The following CCBE1 variants were observed in gnomAD, a reference collection of about 807,000 sequenced individuals.
CCBE1 encodes the protein collagen and calcium binding EGF domains 1.
A neutral mutation model predicts 50.0 loss-of-function variants in CCBE1; 37 were observed. That is an observed-to-expected ratio of 0.74 (90% CI 0.57 to 0.97). The LOEUF is 0.97. Among genes scored for constraint, CCBE1 ranks in the 50% least tolerant of loss-of-function variants. The pLI, the probability that CCBE1 is intolerant of heterozygous loss-of-function variation, is 0.00. For synonymous variants in CCBE1, 234 were observed against 203.7 expected (o/e 1.15, Z -1.27); for missense variants, 538 against 523.8 (o/e 1.03, Z -0.26).
chr18:59,495,410 T>TTTC (rs149062893), intron 2 of CCBE1, among the ~76,000 whole-genome samples: 11,275 of 144,858 alleles, frequency 0.078, 878 homozygotes, highest in East Asian at 0.32. Flanking sequence ...TTTTTTTTTT[T>TTTC]CCAGAGCGGG....
At chr18:59,576,618 T>G (rs2053000838) in intron 2 of CCBE1, among the ~76,000 whole-genome samples, 1 of 152,194 alleles carries the variant, frequency 6.6e-6, no homozygotes, top group Non-Finnish European at 1.5e-5. Flanking sequence ...ATTAAATTGC[T>G]TTTGCTGCCT....
chr18:59,661,033 A>AT (rs2054277676), intron 2 of CCBE1, among the ~76,000 whole-genome samples: 1 of 151,210 alleles, frequency 6.6e-6, no homozygotes, highest in African/African-American at 2.4e-5. Flanking sequence ...TAAAATACGT[A>AT]TTTTTTTCTC....
intron 2 of CCBE1, among the ~76,000 whole-genome samples, chr18:59,632,973 A>G (rs1341322318): frequency 2.0e-5 from 3 of 152,096 alleles, no homozygotes; most frequent in African/African-American, 7.2e-5. Flanking sequence ...ACAAGGGACA[A>G]GTCAGGCATT....
intron 2 of CCBE1, among the ~76,000 whole-genome samples, chr18:59,652,005 C>G (rs910951299): frequency 2.0e-5 from 3 of 152,112 alleles, no homozygotes; most frequent in Non-Finnish European, 4.4e-5. Flanking sequence ...AATCTTTAAC[C>G]CATTTCTTTT....
intron 7 of CCBE1, among the ~76,000 whole-genome samples, chr18:59,446,924 G>A (rs1224485144): frequency 6.6e-6 from 1 of 152,196 alleles, no homozygotes; most frequent in Non-Finnish European, 1.5e-5. Flanking sequence ...CAGGGATAAG[G>A]CACTCAAAGG....
At chr18:59,498,167 G>GTGGCATTTC (rs2143827854) in intron 2 of CCBE1, among the ~76,000 whole-genome samples, 1 of 152,074 alleles carries the variant, frequency 6.6e-6, no homozygotes, top group African/African-American at 2.4e-5. Context: ...GGAGATTCAT[G>GTGGCATTTC]TGGCATTTCT....
chr18:59,601,029 T>TG (rs2053423151), intron 2 of CCBE1, among the ~76,000 whole-genome samples: 1 of 103,102 alleles, frequency 9.7e-6, no homozygotes, highest in Non-Finnish European at 2.0e-5. Context: ...TTTTTTTTTT[T>TG]TTTTTTTTTT....
chr18:59,491,369 T>A (rs2143806857), intron 2 of CCBE1, among the ~76,000 whole-genome samples: 1 of 152,328 alleles, frequency 6.6e-6, no homozygotes, highest in African/African-American at 2.4e-5. Context: ...ATTTATACCC[T>A]CACCTTACTG....
At chr18:59,587,133 C>G (rs1258052534) in intron 2 of CCBE1, among the ~76,000 whole-genome samples, 2 of 152,218 alleles carry the variant, frequency 1.3e-5, no homozygotes, top group East Asian at 3.8e-4. Flanking sequence ...ATATCTAACT[C>G]CACAGAAACT....
Position 59,447,430 on chromosome 18 carries a change from A to G in CCBE1, c.775+553T>C, listed in dbSNP as rs1910727816. On this transcript the variant is annotated intron_variant, in intron 7 of 10. Coordinates refer to ENST00000439986, the MANE Select transcript of CCBE1 (RefSeq NM_133459.4). ...GTTACATGGGTAAATACATCTGTCAAAATTTGAATGGTAATTTAAATGAGT... is the reference window on the plus strand; with the variant it reads ...GTTACATGGGTAAATACATCTGTCAGAATTTGAATGGTAATTTAAATGAGT... 3.3e-5 allele frequency among the ~76,000 whole-genome samples: 5 copies of G among 152,292 alleles called. No individual in the cohort carries two copies. The South Asian group carries it at 8.3e-4, about 25-fold the overall frequency.
chr18:59,608,012 G>GT (rs11378951), intron 2 of CCBE1, among the ~76,000 whole-genome samples: 57,683 of 151,984 alleles, frequency 0.38, 11,299 homozygotes, highest in East Asian at 0.65. Context: ...GGAAGCAGAG[G>GT]TGTAGTGAGC....
rs559175124 is a variant in CCBE1, at chr18:59,651,459, G to A, written c.212+45170C>T. 5.3e-4 allele frequency among the ~76,000 whole-genome samples: 81 copies of A among 152,186 alleles called. 1 individual carries two copies. Among genetic ancestry groups the A allele is most frequent in the Non-Finnish European group, 8.7e-4 (59 of 68,032 alleles). ...GGTTCATCCTCTTGGGCTCAGTTTA[G>A]CTCCTTTTTCTGTGAGGGATTAGGC... On this transcript the variant is annotated intron_variant, in intron 2 of 10. Transcript: ENST00000439986.
rs1202188399 is a variant in CCBE1 at position 59,658,390 on chromosome 18, T to A, written c.212+38239A>T. 2.2e-4 allele frequency among the ~76,000 whole-genome samples: 7 copies of A among 31,964 alleles called. 1 individual carries two copies. The East Asian group carries it at 5.0e-3, about 23-fold the overall frequency. 21.0% of individuals were successfully genotyped at this position (31,964 alleles called of 152,430 possible). On this transcript the variant is annotated intron_variant, in intron 2 of 10. Coordinates refer to ENST00000439986, the MANE Select transcript of CCBE1 (RefSeq NM_133459.4). ...ATATATATATATATATATATATATA[T>A]ATATATATATATATATATATATATA...
At chr18:59,536,019 C>T (rs1292830557) in intron 2 of CCBE1, among the ~76,000 whole-genome samples, 1 of 152,148 alleles carries the variant, frequency 6.6e-6, no homozygotes, top group Non-Finnish European at 1.5e-5. Flanking sequence ...GAGAAAGAAA[C>T]AAAGGCTTCA....
intron 2 of CCBE1, among the ~76,000 whole-genome samples, chr18:59,595,680 C>T (rs868418896): frequency 3.9e-5 from 6 of 152,288 alleles, no homozygotes; most frequent in African/African-American, 1.2e-4. Context: ...AAAAGGTAAA[C>T]ATGTATGAAT....
At chr18:59,649,541 A>C (rs1365299864) in intron 2 of CCBE1, among the ~76,000 whole-genome samples, 1 of 152,244 alleles carries the variant, frequency 6.6e-6, no homozygotes, top group African/African-American at 2.4e-5. Flanking sequence ...TCTCACAGCC[A>C]GTGTTACAGA....
At chr18:59,538,750 C>T (rs1389780366) in intron 2 of CCBE1, among the ~76,000 whole-genome samples, 3 of 152,210 alleles carry the variant, frequency 2.0e-5, no homozygotes, top group Non-Finnish European at 4.4e-5. Flanking sequence ...GATAGGCAGA[C>T]ATCTACAATG....
chr18:59,504,190 C>T (rs1359930906), intron 2 of CCBE1, among the ~76,000 whole-genome samples: 1 of 152,176 alleles, frequency 6.6e-6, no homozygotes. Flanking sequence ...ATCTCATCTT[C>T]ACAATCTCCA....
intron 2 of CCBE1, among the ~76,000 whole-genome samples, chr18:59,552,542 C>T (rs568513063): frequency 3.3e-5 from 5 of 152,318 alleles, no homozygotes; most frequent in East Asian, 1.9e-4. Context: ...TGCTTCCACT[C>T]GCCAAGTATC....
Sources: allele counts gnomAD v4.1 joint callset (sites outside exome capture counted in the v4.1 genomes callset), GRCh38; gene constraint gnomAD v4.1.1; transcripts MANE v1.5; gene names NCBI Gene and HGNC (gene_info 2026-07-23, HGNC 2026-07-21).